The following PPP4R1 variants were observed in gnomAD, a reference collection of about 807,000 sequenced individuals.
PPP4R1 encodes the protein protein phosphatase 4 regulatory subunit 1, also known as serine/threonine-protein phosphatase 4 regulatory subunit 1.
PPP4R1 carries 42 observed loss-of-function variants against 111.2 expected under a neutral mutation model. The ratio of observed to expected loss-of-function variants is 0.38; its 90% confidence interval spans 0.29 to 0.49. The LOEUF is 0.49. PPP4R1 is among the 20% of genes least tolerant of loss of function. The pLI is 0.97. For synonymous variants in PPP4R1, 409 were observed against 405.5 expected, an observed-to-expected ratio of 1.01 and a Z score of -0.10; for missense variants, 1,012 against 1,161.6, an observed-to-expected ratio of 0.87 and a Z score of 1.87.
At chr18:9,594,746 T>A (rs1478794647) in intron 3 of PPP4R1, 6 of 360,398 alleles carry the variant, frequency 1.7e-5, no homozygotes, top group Admixed American at 8.4e-5. Context: ...AATAAGCAAT[T>A]TATATGAATA....
intron 2 of PPP4R1, among the ~76,000 whole-genome samples, chr18:9,602,072 C>T (rs1305592808): frequency 1.3e-5 from 2 of 152,096 alleles, no homozygotes; most frequent in Non-Finnish European, 2.9e-5. Flanking sequence ...TTTGTATAGA[C>T]GTGAGATTAT....
At chr18:9,603,470 T>A (rs916739983) in intron 2 of PPP4R1, among the ~76,000 whole-genome samples, 1 of 152,178 alleles carries the variant, frequency 6.6e-6, no homozygotes, top group South Asian at 2.1e-4. Flanking sequence ...TCAATAAAAC[T>A]TTAAGTTTTA....
chr18:9,593,452 A>T (rs1239752913), intron 4 of PPP4R1, among the ~76,000 whole-genome samples: 1 of 152,082 alleles, frequency 6.6e-6, no homozygotes, highest in African/African-American at 2.4e-5. Flanking sequence ...AGCCTCCTCC[A>T]TCTCTTTTAA....
chr18:9,559,340 A>G, intron 14 of PPP4R1, 79 bp downstream of exon 14: 1 of 1,322,762 alleles, frequency 7.6e-7, no homozygotes, highest in South Asian at 1.8e-5. Flanking sequence ...ACATGAACAG[A>G]AATTCTTTAG....
intron 3 of PPP4R1, 70 bp downstream of exon 3, chr18:9,594,948 T>C: frequency 6.5e-7 from 1 of 1,542,022 alleles, no homozygotes; most frequent in Non-Finnish European, 8.8e-7. Context: ...GTGGATACTT[T>C]CATTTTCCCT....
chr18:9,571,051 A>G (rs2066854626), intron 10 of PPP4R1, among the ~76,000 whole-genome samples: 1 of 152,236 alleles, frequency 6.6e-6, no homozygotes, highest in Admixed American at 6.5e-5. Flanking sequence ...AACAACATTT[A>G]AATTATTTTA....
intron 12 of PPP4R1, 121 bp from the exon 13 acceptor site, chr18:9,562,196 G>T: frequency 1.4e-6 from 1 of 695,126 alleles, no homozygotes; most frequent in Non-Finnish European, 2.3e-6. Flanking sequence ...AATTCCTCAT[G>T]TTTTTAAAAG....
At chr18:9,602,367 TAAAAAAAAAAAA>T (rs11324056) in intron 2 of PPP4R1, among the ~76,000 whole-genome samples, 1 of 45,178 alleles carries the variant, frequency 2.2e-5, no homozygotes, top group Non-Finnish European at 3.8e-5. Context: ...CCATCTCTAC[TAAAAAAAAAAAA>T]AAAAAAAAAA....
At chr18:9,580,836 C>T (rs766106009) in intron 9 of PPP4R1, among the ~76,000 whole-genome samples, 3 of 152,180 alleles carry the variant, frequency 2.0e-5, no homozygotes, top group South Asian at 4.1e-4. Context: ...TTCCACCCTC[C>T]TTTGGGTGTG....
chr18:9,611,577 C>T (rs935686598), intron 2 of PPP4R1, among the ~76,000 whole-genome samples: 6 of 152,196 alleles, frequency 3.9e-5, no homozygotes, highest in African/African-American at 1.2e-4. Context: ...AAGGTATCAC[C>T]TGTAAAAACT....
chr18:9,558,523 C>T (rs2066622979), intron 14 of PPP4R1, among the ~76,000 whole-genome samples: 1 of 152,166 alleles, frequency 6.6e-6, no homozygotes, highest in African/African-American at 2.4e-5. Context: ...GATAAATTCA[C>T]TTCCCCTGGG....
At chr18:9,598,144 A>G (rs2067320188) in intron 2 of PPP4R1, among the ~76,000 whole-genome samples, 1 of 152,194 alleles carries the variant, frequency 6.6e-6, no homozygotes, top group Non-Finnish European at 1.5e-5. Context: ...AACAGAAAAA[A>G]TATGGGGGAG....
chr18:9,592,316 C>T (rs181722932), intron 4 of PPP4R1, among the ~76,000 whole-genome samples: 2 of 152,314 alleles, frequency 1.3e-5, no homozygotes, highest in African/African-American at 4.8e-5. Flanking sequence ...TCATTGTTGA[C>T]CAAAGGGGCC....
intron 13 of PPP4R1, among the ~76,000 whole-genome samples, chr18:9,559,895 T>A (rs1472290465): frequency 2.0e-5 from 3 of 152,106 alleles, no homozygotes; most frequent in Admixed American, 2.0e-4. Context: ...CATATTAAAA[T>A]AACACCAGAG....
upstream of PPP4R1, among the ~76,000 whole-genome samples, chr18:9,616,833 G>T (rs916388280): frequency 6.6e-6 from 1 of 152,194 alleles, no homozygotes; most frequent in African/African-American, 2.4e-5. Context: ...GGGAAGGGCA[G>T]CAAAGGAGGA....
chr18:9,570,064 A>T, intron 11 of PPP4R1, 93 bp downstream of exon 11: 2 of 1,361,696 alleles, frequency 1.5e-6, no homozygotes. Flanking sequence ...ATACATTATT[A>T]AATGACAATT....
At chr18:9,574,156 T>G (rs2066903238) in intron 10 of PPP4R1, among the ~76,000 whole-genome samples, 1 of 152,190 alleles carries the variant, frequency 6.6e-6, no homozygotes, top group African/African-American at 2.4e-5. Flanking sequence ...TGACTCTGTA[T>G]AATGGGAATT....
At chr18:9,563,194 T>G in intron 12 of PPP4R1, 184 bp downstream of exon 12, 3 of 1,188,246 alleles carry the variant, frequency 2.5e-6, no homozygotes, top group Non-Finnish European at 3.3e-6. Flanking sequence ...AGGCATTTCA[T>G]ATGACACTAA....
chr18:9,605,464 A>G (rs2067462493), intron 2 of PPP4R1, among the ~76,000 whole-genome samples: 1 of 148,366 alleles, frequency 6.7e-6, no homozygotes, highest in African/African-American at 2.5e-5. Context: ...GAGCAATTTG[A>G]TAGACATCAC....
Sources: gnomAD v4.1 joint callset for allele counts (sites outside exome capture counted in the v4.1 genomes callset) on GRCh38, gnomAD v4.1.1 for gene constraint, MANE v1.5 for transcripts, NCBI Gene and HGNC (gene_info 2026-07-23, HGNC 2026-07-21) for gene names.